The following OTULINL variants were observed in gnomAD, a reference collection of about 807,000 sequenced individuals.
OTULINL encodes the protein OTU deubiquitinase with linear linkage specificity like.
A neutral mutation model predicts 43.9 loss-of-function variants in OTULINL; 42 were observed. That is an observed-to-expected ratio of 0.96 (90% CI 0.75 to 1.24). OTULINL has a LOEUF of 1.24. Among genes scored for constraint, OTULINL ranks in the 50% most tolerant of loss-of-function variants. The probability of loss-of-function intolerance (pLI) is 0.00; values close to 1 mark genes in which losing one functional copy is unlikely to be tolerated. For synonymous variants in OTULINL, 172 were observed against 153.6 expected (o/e 1.12, Z -0.88); for missense variants, 411 against 426.4 (o/e 0.96, Z 0.32).
At position 14,581,972 on chromosome 5, in the gene OTULINL, C is replaced by A; in HGVS notation, c.64+14C>A. 1.5e-6 allele frequency: 1 copy of A among 656,398 alleles called. No homozygotes were observed. Among genetic ancestry groups the A allele is most frequent in the Non-Finnish European group, 2.2e-6 (1 of 448,510 alleles). The allele number at this position is 656,398 out of a possible 1,614,324, so 40.7% of individuals were successfully genotyped here. A position where few individuals can be genotyped will look rare whatever the true frequency, so the allele number is the denominator to read the frequency against. ...CTCCCGCCGCAGGTGAGCCTGGGGC[C>A]GGGCGGGGCGGGGCGGGGGGCGCGA... On this transcript the variant is annotated intron_variant, in intron 1 of 7. Coordinates refer to ENST00000274217, the MANE Select transcript of OTULINL (RefSeq NM_019018.3).
At chr5:14,592,067 C>T (rs903443023) in intron 1 of OTULINL, among the ~76,000 whole-genome samples, 3 of 152,084 alleles carry the variant, frequency 2.0e-5, no homozygotes, top group East Asian at 1.9e-4. Context: ...ACCACATGGC[C>T]GATGAGACCT....
At position 14,613,625 on chromosome 5, in the gene OTULINL, T is replaced by C. The variant is rs1192977159; in HGVS notation, c.*3311T>C. Reference sequence around the variant, plus strand: ...TGGGCTCAATTTAGAATATTATCATTGAAAAGTCCCCAAGAAACTATTAAT... The same window carrying C: ...TGGGCTCAATTTAGAATATTATCATCGAAAAGTCCCCAAGAAACTATTAAT... On this transcript the variant is annotated 3_prime_UTR_variant, in exon 8 of 8. Transcript: ENST00000274217. 6.6e-6 allele frequency among the ~76,000 whole-genome samples: 1 copy of C among 152,216 alleles called. No homozygotes were observed. The highest frequency in any genetic ancestry group is 2.4e-5 in the African/African-American group (1 of 41,462).
intron 4 of OTULINL, 86 bp downstream of exon 4, chr5:14,601,528 C>G (rs1374943360): frequency 1.7e-6 from 2 of 1,210,220 alleles, no homozygotes; most frequent in Non-Finnish European, 2.4e-6. Flanking sequence ...TTTACTAAAT[C>G]CAGATATCCA....
chr5:14,582,192 A>G (rs1759014604), intron 1 of OTULINL, among the ~76,000 whole-genome samples: 1 of 151,814 alleles, frequency 6.6e-6, no homozygotes, highest in Non-Finnish European at 1.5e-5. Flanking sequence ...GTAGCACTTG[A>G]ATAAGGGAGG....
chr5:14,599,562 A>C (rs532807078), intron 1 of OTULINL, among the ~76,000 whole-genome samples: 4 of 152,282 alleles, frequency 2.6e-5, no homozygotes, highest in Admixed American at 2.6e-4. Flanking sequence ...TGTAAATATC[A>C]CATCAAATAT....
chr5:14,587,678 A>T (rs1048772845), intron 1 of OTULINL, among the ~76,000 whole-genome samples: 1 of 152,186 alleles, frequency 6.6e-6, no homozygotes, highest in African/African-American at 2.4e-5. Flanking sequence ...AGCTTATTAG[A>T]TCAGTTTTAT....
intron 1 of OTULINL, among the ~76,000 whole-genome samples, chr5:14,587,204 T>G (rs932865160): frequency 2.4e-4 from 37 of 152,248 alleles, no homozygotes; most frequent in Non-Finnish European, 4.9e-4. Flanking sequence ...ACTTTGGGGT[T>G]GTATTTTTTG....
chr5:14,602,356 G>C lies in OTULINL; in HGVS notation c.498+24G>C, dbSNP rs1160111976. On this transcript the variant is annotated intron_variant, in intron 5 of 7. Transcript: ENST00000274217. Reference sequence around the variant, plus strand: ...AGGTATGTCTTCCCCCTGGAAATGTGGGAAATGTCATGTTGACAATAACTG... The same window carrying C: ...AGGTATGTCTTCCCCCTGGAAATGTCGGAAATGTCATGTTGACAATAACTG... 1.9e-6 allele frequency: 3 copies of C among 1,605,586 alleles called. 1 individual carries two copies. In the South Asian group the frequency reaches 3.4e-5, roughly 18 times the overall value.
chr5:14,593,783 G>A (rs1160591901), intron 1 of OTULINL, among the ~76,000 whole-genome samples: 1 of 152,176 alleles, frequency 6.6e-6, no homozygotes, highest in African/African-American at 2.4e-5. Context: ...CTCAGTGTTT[G>A]GCCAGGAGCA....
chr5:14,599,409 A>G (rs1759345636), intron 1 of OTULINL, among the ~76,000 whole-genome samples: 1 of 151,566 alleles, frequency 6.6e-6, no homozygotes, highest in South Asian at 2.1e-4. Flanking sequence ...AAGCACTTGA[A>G]CCCGGGAGGC....
At position 14,613,005 on chromosome 5, in the gene OTULINL, C is replaced by T. The variant is rs1159338353; in HGVS notation, c.*2691C>T. ...TGGCACAATCTCGGCTCACTGCAAC[C>T]TCTACCTCCCAGGTTCAAGCGATTC... On this transcript the variant is annotated 3_prime_UTR_variant, in exon 8 of 8. Coordinates refer to ENST00000274217, the MANE Select transcript of OTULINL (RefSeq NM_019018.3). Among the ~76,000 whole-genome samples the T allele has an allele frequency of 1.3e-5, 2 of 152,146 alleles. No individual in the cohort carries two copies. The highest frequency in any genetic ancestry group is 4.8e-5 in the African/African-American group (2 of 41,432).
intron 7 of OTULINL, 117 bp downstream of exon 7, chr5:14,609,134 T>A (rs1759530627): frequency 9.9e-7 from 1 of 1,008,186 alleles, no homozygotes; most frequent in Non-Finnish European, 1.5e-6. Flanking sequence ...CAGAGGTGGT[T>A]GATTGATATT....
intron 5 of OTULINL, among the ~76,000 whole-genome samples, chr5:14,605,233 A>G (rs1759454026): frequency 6.6e-6 from 1 of 152,042 alleles, no homozygotes; most frequent in Admixed American, 6.5e-5. Context: ...TGGGGCTTGC[A>G]CCCTCTGAAG....
intron 1 of OTULINL, among the ~76,000 whole-genome samples, chr5:14,587,094 C>G (rs1459296145): frequency 6.6e-6 from 1 of 152,218 alleles, no homozygotes; most frequent in Non-Finnish European, 1.5e-5. Context: ...ATAGACTGTT[C>G]TCTGTAGCAT....
chr5:14,601,274 T>C (rs758215597), intron 3 of OTULINL, 30 bp downstream of exon 3: 1 of 1,609,234 alleles, frequency 6.2e-7, no homozygotes, highest in East Asian at 2.2e-5. Context: ...TATTTCTTTA[T>C]TTTTAAGGTG....
chr5:14,595,034 CTTAAG>C (rs1420881965), intron 1 of OTULINL, among the ~76,000 whole-genome samples: 2 of 152,098 alleles, frequency 1.3e-5, no homozygotes, highest in African/African-American at 2.4e-5. Context: ...GTACTTCTAC[CTTAAG>C]TTCTTTTAGC....
At chr5:14,603,990 T>C (rs1285388176) in intron 5 of OTULINL, among the ~76,000 whole-genome samples, 2 of 152,192 alleles carry the variant, frequency 1.3e-5, no homozygotes, top group Non-Finnish European at 2.9e-5. Context: ...TTGTCAAATA[T>C]ATGCAATGTG....
At chr5:14,587,186 C>T (rs1759114557) in intron 1 of OTULINL, among the ~76,000 whole-genome samples, 1 of 152,230 alleles carries the variant, frequency 6.6e-6, no homozygotes, top group African/African-American at 2.4e-5. Context: ...CTTAGAATAA[C>T]ACCTGATACT....
In OTULINL at chr5:14,601,367, G is replaced by A; in HGVS notation, c.273G>A (p.Glu91=). The A allele has an allele frequency of 6.2e-7, 1 of 1,614,068 alleles. No homozygotes were observed. The highest frequency in any genetic ancestry group is 2.2e-5 in the East Asian group (1 of 44,888). The change falls in exon 4 of 8, where the codon GAG becomes GAA. Residue 91 remains glutamate (E), a synonymous_variant. Transcript: ENST00000274217. ...TTGGTCCAGGGAACCTCAGTGTGGAGGCAGAGGTTGATTTACTCAGTTATT... is the reference window on the plus strand; with the variant it reads ...TTGGTCCAGGGAACCTCAGTGTGGAAGCAGAGGTTGATTTACTCAGTTATT... The part of the protein sequence containing the change: ...QRKFKRNLSV[E]AEVDLLSYCA...
Sources: gnomAD v4.1 joint callset for allele counts (sites outside exome capture counted in the v4.1 genomes callset) on GRCh38, gnomAD v4.1.1 for gene constraint, MANE v1.5 for transcripts, NCBI Gene and HGNC (gene_info 2026-07-23, HGNC 2026-07-21) for gene names.